Variants in LDAH observed in about 807,000 individuals in gnomAD.
LDAH encodes lipid droplet associated hydrolase.
LDAH carries 26 observed loss-of-function variants against 29.6 expected under a neutral mutation model. The observed-to-expected ratio is 0.88, with a 90% CI of 0.64 to 1.22. The LOEUF (loss-of-function observed/expected upper bound fraction) is 1.22, where lower values mean the gene tolerates loss of function less well. LDAH is among the 50% of genes most tolerant of loss of function. The pLI, the probability that LDAH is intolerant of heterozygous loss-of-function variation, is 0.00. For synonymous variants in LDAH, 117 were observed against 133.0 expected, an observed-to-expected ratio of 0.88 and a Z score of 0.83; for missense variants, 344 against 387.3, an observed-to-expected ratio of 0.89 and a Z score of 0.94.
intron 4 of LDAH, among the ~76,000 whole-genome samples, chr2:20,742,242 A>G (rs1329319324): frequency 1.3e-5 from 2 of 152,310 alleles, no homozygotes; most frequent in Non-Finnish European, 1.5e-5. Flanking sequence ...TGAATGTTCC[A>G]CGTGATCTTG....
At chr2:20,794,281 G>A (rs1671164673) in intron 2 of LDAH, among the ~76,000 whole-genome samples, 2 of 152,096 alleles carry the variant, frequency 1.3e-5, no homozygotes, top group East Asian at 1.9e-4. Context: ...ACCTCCCACT[G>A]AGCCCCTCCC....
At chr2:20,766,475 G>A (rs1669044658) in intron 4 of LDAH, among the ~76,000 whole-genome samples, 1 of 152,168 alleles carries the variant, frequency 6.6e-6, no homozygotes, top group African/African-American at 2.4e-5. Context: ...CCATCAATCT[G>A]GATTCTGGAG....
rs376266212 is a variant in LDAH, at chr2:20,696,820, C to T, written c.786+4750G>A. On this transcript the variant is annotated intron_variant, in intron 6 of 6. Transcript: ENST00000237822. ...CAAACTGGGATTGGGGTGGCGAAAA[C>T]GCACAGTTGATTCTCTTCCCTTGGT... 1.6e-3 allele frequency among the ~76,000 whole-genome samples: 237 copies of T among 152,226 alleles called. 4 individuals are homozygous for T. In the South Asian group the frequency reaches 0.043, roughly 28 times the overall value.
rs1572662097 is a variant in LDAH, at chr2:20,801,521, C to G, written c.-2-56G>C. The G allele has an allele frequency of 7.4e-6, 11 of 1,479,538 alleles. No homozygotes were observed. The East Asian group carries it at 2.3e-4, about 31-fold the overall frequency. The allele number at this position is 1,479,538 out of a possible 1,614,324, so 91.7% of individuals were successfully genotyped here. A position where few individuals can be genotyped will look rare whatever the true frequency, so the allele number is the denominator to read the frequency against. ...GTCAGTAAAATGTAAAACCTTGAGCCAAAGACAAAATTCAAGAATAAAAAA... is the reference window on the plus strand; with the variant it reads ...GTCAGTAAAATGTAAAACCTTGAGCGAAAGACAAAATTCAAGAATAAAAAA... On this transcript the variant is annotated intron_variant, in intron 1 of 6. Transcript: ENST00000237822.
Position 20,801,978 on chromosome 2 carries a change from A to G in LDAH, c.-2-513T>C, listed in dbSNP as rs866316069. On this transcript the variant is annotated intron_variant, in intron 1 of 6. Transcript: ENST00000237822. ...TGTGTATGTGTGTGTGTGTGTGTGT[A>G]TGTATGAATATGTGTGTATATATAT... Among the ~76,000 whole-genome samples the G allele has an allele frequency of 1.1e-4, 16 of 145,048 alleles. No homozygotes were observed. In the South Asian group the frequency reaches 2.2e-3, roughly 20 times the overall value.
chr2:20,689,246 C>T (rs184915234), intron 6 of LDAH, among the ~76,000 whole-genome samples: 29 of 152,282 alleles, frequency 1.9e-4, no homozygotes, highest in East Asian at 3.9e-4. Flanking sequence ...CAGTTTTGCA[C>T]GCTGCAGAGG....
chr2:20,786,375 A>T (rs1460672011), intron 3 of LDAH, among the ~76,000 whole-genome samples: 1 of 151,994 alleles, frequency 6.6e-6, no homozygotes, highest in African/African-American at 2.4e-5. Context: ...TTTTTAGTAG[A>T]GATGGGGTTT....
intron 4 of LDAH, among the ~76,000 whole-genome samples, chr2:20,754,475 A>C (rs73241163): frequency 6.8e-6 from 1 of 146,158 alleles, no homozygotes; most frequent in African/African-American, 2.5e-5. Context: ...TGGGTGACAG[A>C]GCAAGACTCC....
At chr2:20,821,057 T>G (rs566279178) in intron 1 of LDAH, among the ~76,000 whole-genome samples, 1 of 151,904 alleles carries the variant, frequency 6.6e-6, no homozygotes, top group African/African-American at 2.4e-5. Context: ...AAATCAAAAC[T>G]ACAATGAGAC....
chr2:20,706,789 A>G (rs1306111559), intron 5 of LDAH, among the ~76,000 whole-genome samples: 2 of 152,206 alleles, frequency 1.3e-5, no homozygotes, highest in African/African-American at 2.4e-5. Context: ...GCAATCCCTG[A>G]GAAAAGAGAA....
intron 1 of LDAH, among the ~76,000 whole-genome samples, chr2:20,809,326 G>A (rs1672312824): frequency 6.6e-6 from 1 of 152,144 alleles, no homozygotes; most frequent in East Asian, 1.9e-4. Context: ...TTGAACCAGG[G>A]AGTCGGAGGT....
chr2:20,807,821 A>G (rs963406978), intron 1 of LDAH, among the ~76,000 whole-genome samples: 1 of 151,830 alleles, frequency 6.6e-6, no homozygotes, highest in African/African-American at 2.4e-5. Context: ...CAACACTTCT[A>G]TACTTGAGGT....
intron 2 of LDAH, among the ~76,000 whole-genome samples, chr2:20,798,194 C>G (rs1001636500): frequency 1.3e-5 from 2 of 152,110 alleles, no homozygotes; most frequent in Admixed American, 6.5e-5. Flanking sequence ...AAGGAAGCTA[C>G]TAGAAGATAT....
At chr2:20,780,415 G>A (rs554850280) in intron 3 of LDAH, among the ~76,000 whole-genome samples, 13 of 152,028 alleles carry the variant, frequency 8.6e-5, no homozygotes, top group African/African-American at 3.1e-4. Flanking sequence ...AACAATAAAA[G>A]AAAAAGGCAT....
Position 20,690,416 on chromosome 2 carries a change from CG to C in LDAH, c.787-3323del. ...TTGAAGTGGGCCCCATTTGGTTAAA[CG>C]CCTAACTGATGATGGGGGTGGGCTC... On this transcript the variant is annotated intron_variant, in intron 6 of 6. Transcript: ENST00000237822. 1.3e-5 allele frequency among the ~76,000 whole-genome samples: 2 copies of C among 152,322 alleles called. 1 individual carries two copies. Among genetic ancestry groups the C allele is most frequent in the Admixed American group, 1.3e-4 (2 of 15,296 alleles).
Position 20,742,793 on chromosome 2 carries a change from C to CTT in LDAH, c.469-2590_469-2589dup, listed in dbSNP as rs71391767. On this transcript the variant is annotated intron_variant, in intron 4 of 6. Coordinates refer to ENST00000237822, the MANE Select transcript of LDAH (RefSeq NM_021925.4). Reference sequence around the variant, plus strand: ...TGCTTTTCTTTTTCTTTTCTTTTTCCTTTTTTTTTTTTTTTTTTGAGACAG... The same window carrying CTT: ...TGCTTTTCTTTTTCTTTTCTTTTTCCTTTTTTTTTTTTTTTTTTTTGAGACAG... Among the ~76,000 whole-genome samples the CTT allele has an allele frequency of 5.9e-3, 680 of 114,394 alleles. 13 individuals carry two copies. Among genetic ancestry groups the CTT allele is most frequent in the African/African-American group, 0.019 (616 of 32,728 alleles). 75.0% of individuals were successfully genotyped at this position (114,394 alleles called of 152,430 possible). A position where few individuals can be genotyped will look rare whatever the true frequency, so the allele number is the denominator to read the frequency against.
chr2:20,810,961 T>C (rs1357973146), intron 1 of LDAH, among the ~76,000 whole-genome samples: 6 of 151,908 alleles, frequency 3.9e-5, no homozygotes, highest in Admixed American at 3.9e-4. Flanking sequence ...CCCCACCATT[T>C]GTGGAAAAAT....
chr2:20,795,010 T>C (rs922662928), intron 2 of LDAH, among the ~76,000 whole-genome samples: 6 of 152,292 alleles, frequency 3.9e-5, no homozygotes, highest in Non-Finnish European at 7.4e-5. Flanking sequence ...CCTACACTTA[T>C]GCAACTAAAA....
At chr2:20,811,299 T>A (rs1672477030) in intron 1 of LDAH, among the ~76,000 whole-genome samples, 1 of 151,908 alleles carries the variant, frequency 6.6e-6, no homozygotes, top group African/African-American at 2.4e-5. Flanking sequence ...ATTACAGGCG[T>A]GAGCGGCCGC....
Sources: gnomAD v4.1 joint callset for allele counts (sites outside exome capture counted in the v4.1 genomes callset) on GRCh38, gnomAD v4.1.1 for gene constraint, MANE v1.5 for transcripts, NCBI Gene and HGNC (gene_info 2026-07-23, HGNC 2026-07-21) for gene names.